Variants in LRRC9 observed in about 807,000 individuals in gnomAD.
LRRC9 encodes the protein leucine rich repeat containing 9, also known as leucine-rich repeat-containing protein 9.
In LRRC9, 122 loss-of-function variants were observed where a neutral mutation model predicts 63.2. The ratio of observed to expected loss-of-function variants is 1.93; its 90% CI spans 1.67 to 2.24. The LOEUF is 2.24. LRRC9 is among the 30% of genes most tolerant of loss of function. The pLI, the probability that LRRC9 is intolerant of heterozygous loss-of-function variation, is 0.00. For synonymous variants in LRRC9, 366 were observed against 213.1 expected, an observed-to-expected ratio of 1.72 and a Z score of -6.25; for missense variants, 1,071 against 627.7, an observed-to-expected ratio of 1.71 and a Z score of -7.55.
At chr14:60,065,103 C>T (rs1323264569), downstream of LRRC9, among the ~76,000 whole-genome samples, 3 of 151,994 alleles carry the variant, frequency 2.0e-5, no homozygotes, top group South Asian at 2.1e-4. Context: ...TCATCTGAGC[C>T]GGGCGCAGTG....
chr14:60,056,148 C>G (rs915933832), intron 30 of LRRC9, among the ~76,000 whole-genome samples: 3 of 152,128 alleles, frequency 2.0e-5, no homozygotes, highest in Non-Finnish European at 4.4e-5. Flanking sequence ...TTAATCACAC[C>G]TGCAAAGTAC....
Position 60,001,188 on chromosome 14 carries a change from T to TTG in LRRC9, c.2530-756_2530-755dup, listed in dbSNP as rs146007143. On this transcript the variant is annotated intron_variant, in intron 19 of 31. Transcript: ENST00000445360. ...ATTATTCAGTAAAGCTGATGTATAT[T>TTG]TGTGTGTGTGTGTGTGTGTGTGTAT... Among the ~76,000 whole-genome samples the TTG allele has an allele frequency of 9.9e-3, 1,470 of 149,172 alleles. 10 individuals are homozygous for TTG. The highest frequency in any genetic ancestry group is 0.025 in the African/African-American group (1,018 of 40,916).
At chr14:60,035,701 GTC>G (rs1232666200) in intron 29 of LRRC9, among the ~76,000 whole-genome samples, 1 of 152,136 alleles carries the variant, frequency 6.6e-6, no homozygotes, top group Non-Finnish European at 1.5e-5. Flanking sequence ...TGGTCTATGT[GTC>G]TGTTTTTAAT....
chr14:59,926,599 T>G (rs1262803060), intron 1 of LRRC9, among the ~76,000 whole-genome samples: 2 of 152,106 alleles, frequency 1.3e-5, no homozygotes, highest in Non-Finnish European at 2.9e-5. Flanking sequence ...TATAAGCCCC[T>G]CTTTTTGCCT....
At chr14:60,008,341 A>T in intron 23 of LRRC9, 127 bp downstream of exon 23, 2 of 496,064 alleles carry the variant, frequency 4.0e-6, no homozygotes, top group Non-Finnish European at 7.1e-6. Flanking sequence ...TATTAAATCT[A>T]GGTCTCCAAA....
At chr14:59,984,557 T>C (rs1317111187) in intron 16 of LRRC9, among the ~76,000 whole-genome samples, 1 of 152,170 alleles carries the variant, frequency 6.6e-6, no homozygotes, top group Non-Finnish European at 1.5e-5. Flanking sequence ...TAGAATGAAA[T>C]GGACAAGAAA....
At chr14:60,023,974 C>T (rs1165183036) in intron 27 of LRRC9, among the ~76,000 whole-genome samples, 1 of 152,074 alleles carries the variant, frequency 6.6e-6, no homozygotes, top group African/African-American at 2.4e-5. Flanking sequence ...AGGACATGAA[C>T]TCATTCTTTT....
intron 23 of LRRC9, among the ~76,000 whole-genome samples, chr14:60,008,974 C>T (rs1890035796): frequency 6.6e-6 from 1 of 152,174 alleles, no homozygotes; most frequent in African/African-American, 2.4e-5. Context: ...CCAACACATA[C>T]AAATTCTCTA....
At chr14:59,934,351 G>A (rs1355196642) in intron 6 of LRRC9, among the ~76,000 whole-genome samples, 2 of 152,118 alleles carry the variant, frequency 1.3e-5, no homozygotes, top group Non-Finnish European at 2.9e-5. Context: ...GAGGGGAAGA[G>A]AATGTATCTG....
exon 16 of LRRC9, chr14:59,981,990 C>A (rs941968746): frequency 2.8e-5 from 20 of 702,492 alleles, no homozygotes; most frequent in African/African-American, 2.1e-4. Flanking sequence ...AAGGCCCGAC[C>A]AAAACTGATT....
At chr14:60,033,491 G>A (rs1320178806) in intron 29 of LRRC9, among the ~76,000 whole-genome samples, 2 of 151,882 alleles carry the variant, frequency 1.3e-5, no homozygotes, top group Non-Finnish European at 2.9e-5. Context: ...GTTTCCTACC[G>A]GTTTTGTCTT....
chr14:59,926,506 A>G lies in LRRC9; in HGVS notation c.-33-1405A>G, dbSNP rs189737437. On this transcript the variant is annotated intron_variant, in intron 1 of 31. Transcript: ENST00000445360. ...GAAGTATAGCATACATCCAGAAATC[A>G]CACACATCATAGGTATCTAATTTTA... Among the ~76,000 whole-genome samples, 23 of 152,314 alleles carry G rather than the reference A, an allele frequency of 1.5e-4. No homozygotes were observed. In the East Asian group the frequency reaches 4.2e-3, roughly 28 times the overall value.
chr14:60,042,222 G>C lies in LRRC9; in HGVS notation c.3990+10159G>C, dbSNP rs1893012554. The stretch of plus-strand genomic sequence containing the variant: ...AGGGACCCACTTGAGGAGGCAGTCT[G>C]TCCGTTCTCAGATCTCAAACTCCAT... On this transcript the variant is annotated intron_variant, in intron 29 of 31. Transcript: ENST00000445360. The surrounding 1 kb of genome is among the most constrained non-coding windows in gnomAD (Gnocchi z 4.2). 6.6e-6 allele frequency among the ~76,000 whole-genome samples: 1 copy of C among 152,210 alleles called. No homozygotes were observed. The highest frequency in any genetic ancestry group is 1.5e-5 in the Non-Finnish European group (1 of 68,038).
Position 59,928,165 on chromosome 14 carries a change from A to C in LRRC9, c.49-103A>C, listed in dbSNP as rs569927181. On this transcript the variant is annotated intron_variant, in intron 2 of 31. Coordinates refer to ENST00000445360, the Ensembl canonical transcript of LRRC9. ...TAACTTTCTCTCTTGTGAGATTATAAAAATGGCATCAGTGCAGTTGACAAT... is the reference window on the plus strand; with the variant it reads ...TAACTTTCTCTCTTGTGAGATTATACAAATGGCATCAGTGCAGTTGACAAT... 5.0e-5 allele frequency: 28 copies of C among 564,538 alleles called. No individual in the cohort carries two copies. In the South Asian group the frequency reaches 6.9e-4, roughly 14 times the overall value. 35.0% of individuals were successfully genotyped at this position (564,538 alleles called of 1,614,324 possible).
At chr14:60,037,358 T>A (rs1892532650) in intron 29 of LRRC9, among the ~76,000 whole-genome samples, 1 of 152,228 alleles carries the variant, frequency 6.6e-6, no homozygotes. Context: ...TCCACAATGG[T>A]TGAACTAGTT....
chr14:60,007,895 A>C, intron 22 of LRRC9, among the ~76,000 whole-genome samples, 197 bp from the exon 23 acceptor site: 1 of 150,238 alleles, frequency 6.7e-6, no homozygotes, highest in East Asian at 2.0e-4. Context: ...AGCTATGATC[A>C]GACCACTGCA....
In LRRC9 at chr14:59,942,340, T is replaced by C. The variant is rs1299830940; in HGVS notation, c.727-2249T>C. On this transcript the variant is annotated intron_variant, in intron 7 of 31. Coordinates refer to ENST00000445360, the Ensembl canonical transcript of LRRC9. The surrounding 1 kb of genome is among the most constrained non-coding windows in gnomAD (Gnocchi z 5.3). ...GTATCCCTTTGATACACTGATTTCC[T>C]TTGTTTTGGATAAATACCCAGGAGT... Among the ~76,000 whole-genome samples the C allele has an allele frequency of 1.3e-5, 2 of 152,170 alleles. No individual in the cohort carries two copies. The highest frequency in any genetic ancestry group is 4.8e-5 in the African/African-American group (2 of 41,446).
At chr14:59,953,942 G>A (rs1196464509) in intron 8 of LRRC9, among the ~76,000 whole-genome samples, 1 of 152,070 alleles carries the variant, frequency 6.6e-6, no homozygotes, top group African/African-American at 2.4e-5. Context: ...GCTTGTTTTT[G>A]TCAGGTTAGT....
In LRRC9 at chr14:59,960,000, C is replaced by CA. The variant is rs939027669; in HGVS notation, c.1071dup (p.Leu358ThrfsTer3). 5 of 661,596 alleles carry CA rather than the reference C, an allele frequency of 7.6e-6. No homozygotes were observed. Among genetic ancestry groups the CA allele is most frequent in the Admixed American group, 4.9e-5 (2 of 40,470 alleles). 41.0% of individuals were successfully genotyped at this position (661,596 alleles called of 1,614,324 possible). On this transcript the variant is annotated frameshift_variant, in exon 9 of 32. Transcript: ENST00000445360. LOFTEE classifies it high-confidence loss of function. ...TGAATGAAAGGGTAACATTCTGGAA[C>CA]AAAAAACTAGATGAGTATGTTTAAT...
Sources: allele counts gnomAD v4.1 joint callset (sites outside exome capture counted in the v4.1 genomes callset), GRCh38; gene constraint gnomAD v4.1.1; non-coding constraint Gnocchi (gnomAD v3.1); transcripts MANE v1.5; gene names NCBI Gene and HGNC (gene_info 2026-07-23, HGNC 2026-07-21).